The following DCLK1 variants were observed in gnomAD, a reference collection of about 807,000 sequenced individuals.
DCLK1 encodes doublecortin like kinase 1.
Under a neutral mutation model 86.2 loss-of-function variants are expected in DCLK1, and 16 were observed. The ratio of observed to expected loss-of-function variants is 0.19; its 90% CI spans 0.13 to 0.28. The LOEUF is 0.28. Among genes scored for constraint, DCLK1 ranks in the 10% least tolerant of loss-of-function variants. The probability of loss-of-function intolerance (pLI) is 1.00; values close to 1 mark genes in which losing one functional copy is unlikely to be tolerated. For missense variants in DCLK1, 590 were observed against 940.2 expected (o/e 0.63, Z 4.87); for synonymous variants, 369 against 370.5 (o/e 1.00, Z 0.05).
Position 36,053,514 on chromosome 13 carries a change from A to C in DCLK1, c.723+58355T>G, listed in dbSNP as rs199880598. 1.9e-4 allele frequency among the ~76,000 whole-genome samples: 29 copies of C among 152,304 alleles called. No individual in the cohort carries two copies. In the East Asian group the frequency reaches 4.8e-3, roughly 25 times the overall value. On this transcript the variant is annotated intron_variant, in intron 3 of 16. Transcript: ENST00000360631. The stretch of plus-strand genomic sequence containing the variant: ...GTAGTGTTTGGGGGACTGAGGTTAC[A>C]GCAGCACATCTAACATTTGAGGTCT...
At chr13:35,973,358 G>A in intron 3 of DCLK1, among the ~76,000 whole-genome samples, 1 of 152,092 alleles carries the variant, frequency 6.6e-6, no homozygotes, top group Non-Finnish European at 1.5e-5. Context: ...CTTGCTCATG[G>A]CCCATCTAAT....
chr13:35,898,736 G>GT (rs1219431094), intron 4 of DCLK1, among the ~76,000 whole-genome samples: 1 of 151,904 alleles, frequency 6.6e-6, no homozygotes, highest in Admixed American at 6.6e-5. Flanking sequence ...AACATGGTGG[G>GT]TTTTTTCTTT....
intron 4 of DCLK1, among the ~76,000 whole-genome samples, chr13:35,937,012 C>G (rs1310622884): frequency 7.9e-6 from 1 of 126,984 alleles, no homozygotes; most frequent in East Asian, 2.5e-4. Context: ...CTCTGTTGCC[C>G]AGGCTGGAAT....
intron 6 of DCLK1, chr13:35,847,056 A>T (rs1870230348): frequency 1.0e-6 from 1 of 985,248 alleles, no homozygotes; most frequent in South Asian, 4.7e-5. Flanking sequence ...GTGATTGGCA[A>T]CCACTACAAG....
chr13:35,810,401 T>G (rs1372573386), intron 12 of DCLK1, among the ~76,000 whole-genome samples: 5 of 152,134 alleles, frequency 3.3e-5, no homozygotes, highest in Non-Finnish European at 7.4e-5. Context: ...GGAAAATCAA[T>G]GGATCCCCAA....
chr13:35,808,734 G>T (rs1212774537), intron 13 of DCLK1, among the ~76,000 whole-genome samples: 2 of 151,762 alleles, frequency 1.3e-5, no homozygotes, highest in East Asian at 3.9e-4. Context: ...AGTGAGCTGA[G>T]ACTGTGCCAC....
Position 36,045,332 on chromosome 13 carries a change from G to C in DCLK1, c.723+66537C>G, listed in dbSNP as rs79114409. ...TATGTCTATATATGTGTGTGTGTGT[G>C]TATATATATATATATATATATATAT... On this transcript the variant is annotated intron_variant, in intron 3 of 16. Transcript: ENST00000360631. Among the ~76,000 whole-genome samples the C allele has an allele frequency of 1.6e-4, 9 of 55,768 alleles. 1 individual carries two copies. The highest frequency in any genetic ancestry group is 4.6e-4 in the Admixed American group (2 of 4,338). The allele number at this position is 55,768 out of a possible 152,430, so 36.6% of individuals were successfully genotyped here.
chr13:36,089,169 A>G (rs1367111082), intron 3 of DCLK1, among the ~76,000 whole-genome samples: 2 of 152,164 alleles, frequency 1.3e-5, no homozygotes, highest in Non-Finnish European at 2.9e-5. Context: ...TTTTTTTTCT[A>G]GCGTCTTCAA....
At chr13:35,925,410 G>A (rs534309060) in intron 4 of DCLK1, among the ~76,000 whole-genome samples, 4 of 152,138 alleles carry the variant, frequency 2.6e-5, no homozygotes, top group Non-Finnish European at 5.9e-5. Context: ...TTTAAAAGAC[G>A]ATATAAAATA....
chr13:35,829,497 T>A (rs1234638390), intron 8 of DCLK1, among the ~76,000 whole-genome samples: 3 of 152,128 alleles, frequency 2.0e-5, no homozygotes, highest in African/African-American at 7.2e-5. Context: ...TTCAGTATGG[T>A]GAATTAAGTG....
chr13:35,901,939 C>T (rs1247369519), intron 4 of DCLK1, among the ~76,000 whole-genome samples: 1 of 151,760 alleles, frequency 6.6e-6, no homozygotes, highest in Non-Finnish European at 1.5e-5. Context: ...AGGAAGGGAA[C>T]TAAGTGATGA....
intron 14 of DCLK1, among the ~76,000 whole-genome samples, chr13:35,806,556 T>C (rs2087031151): frequency 6.6e-6 from 1 of 152,218 alleles, no homozygotes; most frequent in African/African-American, 2.4e-5. Flanking sequence ...AGATATGCAT[T>C]ATCCAGTTCC....
intron 16 of DCLK1, chr13:35,788,427 A>C (rs535287579): frequency 4.0e-6 from 3 of 746,406 alleles, no homozygotes; most frequent in African/African-American, 3.5e-5. Flanking sequence ...TAATATCCTA[A>C]GTCTGCATAC....
At chr13:35,881,582 C>A (rs2153116624) in intron 4 of DCLK1, among the ~76,000 whole-genome samples, 2 of 152,324 alleles carry the variant, frequency 1.3e-5, no homozygotes, top group Middle Eastern at 6.8e-3. Flanking sequence ...ATTTGCACAG[C>A]ACACATGGCT....
chr13:35,995,988 G>T (rs1231901071), intron 3 of DCLK1, among the ~76,000 whole-genome samples: 1 of 151,692 alleles, frequency 6.6e-6, no homozygotes, highest in Non-Finnish European at 1.5e-5. Context: ...TGTTGCCCAG[G>T]CTGGAGTTAA....
rs79154551 is a variant in DCLK1 at position 35,820,246 on chromosome 13, CT to C, written c.1554+2482del. 0.01 allele frequency among the ~76,000 whole-genome samples: 1,575 copies of C among 152,266 alleles called. 51 individuals carry two copies. The East Asian group carries it at 0.11, about 11-fold the overall frequency. ...TTATCCCTGCAAAATTCACCAACCC[CT>C]AATCCCTACCATCAGAAATCACTGT... On this transcript the variant is annotated intron_variant, in intron 11 of 16. Coordinates refer to ENST00000360631, the MANE Select transcript of DCLK1 (RefSeq NM_001330071.2).
chr13:35,913,836 C>A (rs1024596914), intron 4 of DCLK1, among the ~76,000 whole-genome samples: 2 of 152,118 alleles, frequency 1.3e-5, no homozygotes, highest in African/African-American at 4.8e-5. Flanking sequence ...AAAAAAAATT[C>A]AATGACTAGA....
At chr13:36,131,652 G>A (rs998900217), upstream of DCLK1, among the ~76,000 whole-genome samples, 4 of 152,206 alleles carry the variant, frequency 2.6e-5, no homozygotes, top group Admixed American at 6.5e-5. Flanking sequence ...TCAGATGGTG[G>A]AAGAGAACGT....
intron 3 of DCLK1, among the ~76,000 whole-genome samples, chr13:36,081,584 AT>A (rs1884423604): frequency 6.6e-6 from 1 of 152,160 alleles, no homozygotes; most frequent in Non-Finnish European, 1.5e-5. Context: ...AAGAAATGGC[AT>A]TCTTGGAAAG....
Sources: gnomAD v4.1 joint callset for allele counts (sites outside exome capture counted in the v4.1 genomes callset) on GRCh38, gnomAD v4.1.1 for gene constraint, MANE v1.5 for transcripts, NCBI Gene and HGNC (gene_info 2026-07-23, HGNC 2026-07-21) for gene names.